ERBB4: variants seen among roughly 807,000 people sequenced by gnomAD.
ERBB4 encodes erb-b2 receptor tyrosine kinase 4.
A neutral mutation model predicts 158.0 loss-of-function variants in ERBB4; 42 were observed. That is an observed-to-expected ratio of 0.27 (90% CI 0.21 to 0.34). ERBB4 has a LOEUF of 0.34. Ranked by LOEUF, ERBB4 falls within the 10% of genes least tolerant of loss-of-function variation. The pLI, the probability that ERBB4 is intolerant of heterozygous loss-of-function variation, is 1.00. For missense variants in ERBB4, 1,333 were observed against 1,624.1 expected, an observed-to-expected ratio of 0.82 and a Z score of 3.08; for synonymous variants, 583 against 558.7, an observed-to-expected ratio of 1.04 and a Z score of -0.61.
intron 1 of ERBB4, among the ~76,000 whole-genome samples, chr2:212,138,379 G>T (rs2080339805): frequency 6.6e-6 from 1 of 152,116 alleles, no homozygotes. Context: ...CTGTGGTGTG[G>T]ATGTTTGCCC....
At chr2:211,620,401 G>A (rs1227898917) in intron 18 of ERBB4, among the ~76,000 whole-genome samples, 2 of 152,116 alleles carry the variant, frequency 1.3e-5, no homozygotes, top group African/African-American at 4.8e-5. Context: ...AATTCAAAAA[G>A]TTTTTCACTT....
rs116530814 is a variant in ERBB4, at chr2:211,818,094, G to T, written c.422-29935C>A. ...CTTCCATTAAAATTGACAAATTGAA[G>T]ATCACATTCCTCATCTGAAACTAGA... On this transcript the variant is annotated intron_variant, in intron 3 of 27. Transcript: ENST00000342788. 5.2e-4 allele frequency among the ~76,000 whole-genome samples: 79 copies of T among 152,112 alleles called. 2 individuals are homozygous for T. The highest frequency in any genetic ancestry group is 1.8e-3 in the African/African-American group (76 of 41,494).
intron 1 of ERBB4, among the ~76,000 whole-genome samples, chr2:212,363,844 A>C (rs1306592796): frequency 2.0e-5 from 3 of 151,660 alleles, no homozygotes; most frequent in Non-Finnish European, 4.4e-5. Context: ...TTTAAGAACT[A>C]CCAATTTATT....
intron 2 of ERBB4, among the ~76,000 whole-genome samples, chr2:211,998,388 A>G (rs2076018617): frequency 6.6e-6 from 1 of 151,924 alleles, no homozygotes; most frequent in African/African-American, 2.4e-5. Context: ...AGCTTTATGT[A>G]CATTATCTTA....
chr2:211,746,677 A>C (rs2106198526), intron 5 of ERBB4, among the ~76,000 whole-genome samples: 1 of 152,146 alleles, frequency 6.6e-6, no homozygotes, highest in South Asian at 2.1e-4. Flanking sequence ...AAAAGTACAA[A>C]AAATTAGCCA....
At chr2:211,711,486 C>G (rs978926830) in intron 9 of ERBB4, among the ~76,000 whole-genome samples, 42 of 152,236 alleles carry the variant, frequency 2.8e-4, no homozygotes, top group African/African-American at 9.9e-4. Context: ...AGATAAATCA[C>G]GTTGCAATTT....
chr2:212,414,641 G>A (rs1382280695), intron 1 of ERBB4, among the ~76,000 whole-genome samples: 1 of 152,144 alleles, frequency 6.6e-6, no homozygotes, highest in Non-Finnish European at 1.5e-5. Context: ...AAAATATGAG[G>A]TTTAGCAATT....
Position 212,538,590 on chromosome 2 carries a change from T to A in ERBB4, c.-60A>T. Reference sequence around the variant, plus strand: ...CATGTCCAAATGGCATATCCCCCTTTCGGGCACGCGGAGGAGATCCCCCAG... The same window carrying A: ...CATGTCCAAATGGCATATCCCCCTTACGGGCACGCGGAGGAGATCCCCCAG... On this transcript the variant is annotated 5_prime_UTR_variant, in exon 1 of 28. Coordinates refer to ENST00000342788, the MANE Select transcript of ERBB4 (RefSeq NM_005235.3). 8 of 1,525,066 alleles carry A rather than the reference T, an allele frequency of 5.2e-6. No homozygotes were observed. Among genetic ancestry groups the A allele is most frequent in the Non-Finnish European group, 7.3e-6 (8 of 1,099,340 alleles). The allele number at this position is 1,525,066 out of a possible 1,614,324, so 94.5% of individuals were successfully genotyped here. A position where few individuals can be genotyped will look rare whatever the true frequency, so the allele number is the denominator to read the frequency against.
At chr2:211,529,257 G>T (rs766095807) in intron 20 of ERBB4, among the ~76,000 whole-genome samples, 3 of 151,768 alleles carry the variant, frequency 2.0e-5, no homozygotes, top group African/African-American at 2.4e-5. Context: ...AAACCTAGGA[G>T]AAATGAATAA....
chr2:211,493,659 A>G lies in ERBB4; in HGVS notation c.2488-62559T>C, dbSNP rs184134721. Among the ~76,000 whole-genome samples the G allele has an allele frequency of 2.1e-5, 3 of 145,258 alleles. No homozygotes were observed. In the Admixed American group the frequency reaches 2.1e-4, roughly 10 times the overall value. ...GCCACATAATCATAGAAAGTATATT[A>G]TAGATGATTTGAAATATATATTTTT... On this transcript the variant is annotated intron_variant, in intron 20 of 27. Coordinates refer to ENST00000342788, the MANE Select transcript of ERBB4 (RefSeq NM_005235.3).
chr2:212,142,519 T>C (rs2080515837), intron 1 of ERBB4, among the ~76,000 whole-genome samples: 1 of 150,446 alleles, frequency 6.6e-6, no homozygotes, highest in Non-Finnish European at 1.5e-5. Context: ...TGCATATAGA[T>C]GAGAAAACAG....
At chr2:211,987,341 A>AAAAAAAAAAAAAAAAAAAAAAAAAAG (rs1215048952) in intron 2 of ERBB4, among the ~76,000 whole-genome samples, 3 of 124,414 alleles carry the variant, frequency 2.4e-5, no homozygotes, top group Non-Finnish European at 4.9e-5. Context: ...AAAAAAAAAA[A>AAAAAAAAAAAAAAAAAAAAAAAAAAG]AAAGAAAGAA....
At chr2:211,398,853 G>A (rs2062975598) in intron 25 of ERBB4, among the ~76,000 whole-genome samples, 1 of 152,030 alleles carries the variant, frequency 6.6e-6, no homozygotes, top group African/African-American at 2.4e-5. Context: ...AAACAAAACT[G>A]CAAGACCTAC....
intron 3 of ERBB4, among the ~76,000 whole-genome samples, chr2:211,845,279 C>T (rs569746976): frequency 6.6e-6 from 1 of 151,376 alleles, no homozygotes; most frequent in South Asian, 2.1e-4. Context: ...AAGAAAAGTG[C>T]CACATCAGAA....
intron 1 of ERBB4, among the ~76,000 whole-genome samples, chr2:212,339,269 C>A (rs2088592293): frequency 6.6e-6 from 1 of 152,096 alleles, no homozygotes; most frequent in African/African-American, 2.4e-5. Context: ...CAGTGTTTGG[C>A]TTTCTGTTCC....
At chr2:211,644,133 A>G (rs1383832390) in intron 16 of ERBB4, among the ~76,000 whole-genome samples, 5 of 152,016 alleles carry the variant, frequency 3.3e-5, no homozygotes, top group Non-Finnish European at 7.4e-5. Context: ...CTTGGCGAAA[A>G]GACAAACAAA....
intron 1 of ERBB4, among the ~76,000 whole-genome samples, chr2:212,426,767 A>C (rs1030879755): frequency 9.2e-5 from 14 of 152,102 alleles, no homozygotes; most frequent in African/African-American, 3.4e-4. Flanking sequence ...TTGTGAGTGC[A>C]GTCTAGGATC....
At chr2:211,723,183 A>G (rs2074159246) in intron 6 of ERBB4, among the ~76,000 whole-genome samples, 3 of 152,204 alleles carry the variant, frequency 2.0e-5, no homozygotes, top group African/African-American at 4.8e-5. Context: ...CATGTAGAAG[A>G]CAGTTCATTT....
At chr2:211,612,687 A>T (rs1368348422) in intron 19 of ERBB4, among the ~76,000 whole-genome samples, 1 of 152,022 alleles carries the variant, frequency 6.6e-6, no homozygotes, top group African/African-American at 2.4e-5. Flanking sequence ...TACTTTAGTA[A>T]AGCCACTAAA....
Sources: gnomAD v4.1 joint callset for allele counts (sites outside exome capture counted in the v4.1 genomes callset) on GRCh38, gnomAD v4.1.1 for gene constraint, MANE v1.5 for transcripts, NCBI Gene and HGNC (gene_info 2026-07-23, HGNC 2026-07-21) for gene names.